PBX1: variants seen among roughly 807,000 people sequenced by gnomAD.
PBX1 encodes the protein pre-B-cell leukemia transcription factor 1.
In PBX1, 6 loss-of-function variants were observed where a neutral mutation model predicts 53.4. The observed-to-expected ratio is 0.11, with a 90% CI of 0.06 to 0.22. The LOEUF (loss-of-function observed/expected upper bound fraction) is 0.22. Among genes scored for constraint, PBX1 ranks in the 10% least tolerant of loss-of-function variants. PBX1 has a pLI of 1.00. For missense variants in PBX1, 251 were observed against 551.4 expected, an observed-to-expected ratio of 0.46 and a Z score of 5.46; for synonymous variants, 204 against 212.3, an observed-to-expected ratio of 0.96 and a Z score of 0.34.
At chr1:164,782,358 T>C (rs1235220376) in intron 2 of PBX1, among the ~76,000 whole-genome samples, 1 of 152,226 alleles carries the variant, frequency 6.6e-6, no homozygotes, top group Non-Finnish European at 1.5e-5. Context: ...TCTATGGCTG[T>C]CACCTGGCAG....
chr1:164,612,553 C>T (rs906341044), intron 2 of PBX1, among the ~76,000 whole-genome samples: 5 of 152,120 alleles, frequency 3.3e-5, no homozygotes, highest in East Asian at 1.9e-4. Flanking sequence ...CCTGCCTCTT[C>T]CTCCTTCCCT....
chr1:164,777,337 C>T (rs1341031376), intron 2 of PBX1, among the ~76,000 whole-genome samples: 3 of 152,112 alleles, frequency 2.0e-5, no homozygotes, highest in Non-Finnish European at 2.9e-5. Flanking sequence ...GTGGGAGAAT[C>T]GCTTGAACCC....
intron 2 of PBX1, among the ~76,000 whole-genome samples, chr1:164,773,712 A>G (rs557841270): frequency 6.6e-6 from 1 of 152,250 alleles, no homozygotes; most frequent in South Asian, 2.1e-4. Flanking sequence ...CTCTTCACCC[A>G]TGGATCATCT....
chr1:164,625,440 C>T lies in PBX1; in HGVS notation c.265+62129C>T, dbSNP rs150922125. 1.8e-3 allele frequency among the ~76,000 whole-genome samples: 276 copies of T among 152,208 alleles called. 2 individuals are homozygous for T. In the Middle Eastern group the frequency reaches 0.027, roughly 15 times the overall value. ...AGGAAGTTCTTCTTCTCTCTTTCCC[C>T]GTACATTTTTATTGTACGCAGAAAG... is the stretch of plus-strand genomic sequence containing the variant. On this transcript the variant is annotated intron_variant, in intron 2 of 8. Transcript: ENST00000420696.
At chr1:164,639,663 C>CTTAT (rs1176404441) in intron 2 of PBX1, 5 of 152,050 alleles carry the variant, frequency 3.3e-5, no homozygotes, top group African/African-American at 4.8e-5. Context: ...TGAAGTGTTC[C>CTTAT]TTATTTATTT....
At position 164,563,076 on chromosome 1, in the gene PBX1, C is replaced by T. The variant is rs116798897; in HGVS notation, c.192-162C>T. 3,828 of 439,126 alleles carry T rather than the reference C, an allele frequency of 8.7e-3. 62 individuals are homozygous for T. The highest frequency in any genetic ancestry group is 0.045 in the African/African-American group (2,193 of 49,028). The allele number at this position is 439,126 out of a possible 1,614,324, so 27.2% of individuals were successfully genotyped here. A position where few individuals can be genotyped will look rare whatever the true frequency, so the allele number is the denominator to read the frequency against. On this transcript the variant is annotated intron_variant, in intron 1 of 8. Coordinates refer to ENST00000420696, the MANE Select transcript of PBX1 (RefSeq NM_002585.4). Reference sequence around the variant, plus strand: ...ATTAACATTATTTCTTTTTCTATGGCGGGACTCTGTATATTAAGTCATGAA... The same window carrying T: ...ATTAACATTATTTCTTTTTCTATGGTGGGACTCTGTATATTAAGTCATGAA...
intron 3 of PBX1, among the ~76,000 whole-genome samples, chr1:164,798,770 G>A (rs1668912114): frequency 6.6e-6 from 1 of 152,180 alleles, no homozygotes; most frequent in South Asian, 2.1e-4. Flanking sequence ...ATCATGTTTT[G>A]ATGCTGTTTC....
At chr1:164,693,761 TGAA>T (rs1344265982) in intron 2 of PBX1, among the ~76,000 whole-genome samples, 1 of 152,150 alleles carries the variant, frequency 6.6e-6, no homozygotes, top group Non-Finnish European at 1.5e-5. Flanking sequence ...ATGTAGCCAA[TGAA>T]GAACAGATCT....
intron 2 of PBX1, among the ~76,000 whole-genome samples, chr1:164,775,423 G>A (rs909171294): frequency 3.3e-5 from 5 of 152,104 alleles, no homozygotes; most frequent in African/African-American, 1.2e-4. Flanking sequence ...AAGAGTGCCC[G>A]ACCACAGGGA....
At chr1:164,824,533 C>T (rs1326235638) in intron 8 of PBX1, among the ~76,000 whole-genome samples, 2 of 152,102 alleles carry the variant, frequency 1.3e-5, no homozygotes, top group African/African-American at 2.4e-5. Context: ...CTTTTTTCTC[C>T]TCTGATGTGA....
intron 2 of PBX1, among the ~76,000 whole-genome samples, chr1:164,677,552 T>C (rs1661506739): frequency 6.6e-6 from 1 of 152,164 alleles, no homozygotes; most frequent in African/African-American, 2.4e-5. Context: ...GATGATAATG[T>C]TCAATGAAGT....
intron 6 of PBX1, chr1:164,819,708 G>T: frequency 5.8e-6 from 1 of 172,154 alleles, no homozygotes. Context: ...TCCATCTTGT[G>T]GTCCCCTGGC....
At chr1:164,618,637 T>A (rs2101845919) in intron 2 of PBX1, among the ~76,000 whole-genome samples, 1 of 152,330 alleles carries the variant, frequency 6.6e-6, no homozygotes, top group East Asian at 1.9e-4. Flanking sequence ...TCAGTAGGGT[T>A]TTTTTACCAA....
At chr1:164,713,160 A>C (rs190480176) in intron 2 of PBX1, among the ~76,000 whole-genome samples, 16 of 152,318 alleles carry the variant, frequency 1.1e-4, no homozygotes, top group African/African-American at 3.8e-4. Context: ...AGGAGTTGTA[A>C]GTTTTCAGAG....
At chr1:164,836,719 C>A (rs1671057814) in intron 8 of PBX1, among the ~76,000 whole-genome samples, 1 of 152,152 alleles carries the variant, frequency 6.6e-6, no homozygotes, top group Non-Finnish European at 1.5e-5. Flanking sequence ...GCTGTAATGA[C>A]CCTGCAAACA....
chr1:164,614,154 G>T (rs530870708), intron 2 of PBX1, among the ~76,000 whole-genome samples: 1 of 152,154 alleles, frequency 6.6e-6, no homozygotes, highest in Non-Finnish European at 1.5e-5. Context: ...TGGGACCTTC[G>T]GTGATTGGGT....
chr1:164,707,198 G>A (rs530231472), intron 2 of PBX1, among the ~76,000 whole-genome samples: 9 of 152,272 alleles, frequency 5.9e-5, no homozygotes, highest in East Asian at 1.9e-4. Flanking sequence ...GGGAGGGAGC[G>A]TCTGTGACAT....
chr1:164,679,895 A>C (rs1039622562), intron 2 of PBX1, among the ~76,000 whole-genome samples: 1 of 148,588 alleles, frequency 6.7e-6, no homozygotes, highest in African/African-American at 2.5e-5. Flanking sequence ...TGAAGCTCAC[A>C]AATTATGTCT....
rs555915973 is a variant in PBX1, at chr1:164,741,956, C to G, written c.266-50538C>G. 5.3e-5 allele frequency among the ~76,000 whole-genome samples: 8 copies of G among 151,654 alleles called. No individual in the cohort carries two copies. The East Asian group carries it at 1.6e-3, about 29-fold the overall frequency. ...TTAACATTTCTAGGCTTACTATATTCTATCTGGAAAAATATAAATTTATGG... is the reference window on the plus strand; with the variant it reads ...TTAACATTTCTAGGCTTACTATATTGTATCTGGAAAAATATAAATTTATGG... On this transcript the variant is annotated intron_variant, in intron 2 of 8. Transcript: ENST00000420696.
Sources: allele counts gnomAD v4.1 joint callset (sites outside exome capture counted in the v4.1 genomes callset), GRCh38; gene constraint gnomAD v4.1.1; transcripts MANE v1.5; gene names NCBI Gene and HGNC (gene_info 2026-07-23, HGNC 2026-07-21).